Variants in ATP2A3 observed in about 807,000 individuals in gnomAD.
ATP2A3 encodes ATPase sarcoplasmic/endoplasmic reticulum Ca2+ transporting 3.
A neutral mutation model predicts 106.8 loss-of-function variants in ATP2A3; 61 were observed. That is an observed-to-expected ratio of 0.57 (90% CI 0.46 to 0.71). The LOEUF (loss-of-function observed/expected upper bound fraction) is 0.71, where lower values mean the gene tolerates loss of function less well. Among genes scored for constraint, ATP2A3 ranks in the 30% least tolerant of loss-of-function variants. The pLI, the probability that ATP2A3 is intolerant of heterozygous loss-of-function variation, is 0.00. For synonymous variants in ATP2A3, 611 were observed against 609.3 expected (o/e 1.00, Z -0.04); for missense variants, 1,201 against 1,423.5 (o/e 0.84, Z 2.52).
At chr17:3,945,207 C>T in intron 8 of ATP2A3, 59 bp from the exon 9 acceptor site, 1 of 1,491,378 alleles carries the variant, frequency 6.7e-7, no homozygotes, top group Non-Finnish European at 9.1e-7. Flanking sequence ...CCCCGGGCGG[C>T]CAGTCGACCC....
At chr17:3,958,547 C>T (rs903514513) in intron 1 of ATP2A3, among the ~76,000 whole-genome samples, 34 of 151,870 alleles carry the variant, frequency 2.2e-4, no homozygotes, top group Non-Finnish European at 3.7e-4. Flanking sequence ...GTCTGTATCC[C>T]GAATGCACAT....
chr17:3,925,597 C>T lies in ATP2A3; in HGVS notation c.2981-156G>A, dbSNP rs1159730376. Among the ~76,000 whole-genome samples, 1 of 151,648 alleles carries T rather than the reference C, an allele frequency of 6.6e-6. No individual in the cohort carries two copies. The highest frequency in any genetic ancestry group is 1.5e-5 in the Non-Finnish European group (1 of 67,870). ...AGACCTCAGTCTACCCCAGCCCCAC[C>T]GGACCCCCCAAGCTGCATCCAGGAT... On this transcript the variant is annotated intron_variant, in intron 20 of 20. Transcript: ENST00000397041. This position sits in a 1 kb window ranked among gnomAD's most constrained non-coding sequence, Gnocchi z 4.2.
rs769535313 is a variant in ATP2A3, at chr17:3,953,664, C to T, written c.136+29G>A. Reference sequence around the variant, plus strand: ...ACGACCCAGGGATGCTGCCCGCGGCCTAGAGGTCCATCCCGGTGCCAGCCT... The same window carrying T: ...ACGACCCAGGGATGCTGCCCGCGGCTTAGAGGTCCATCCCGGTGCCAGCCT... On this transcript the variant is annotated intron_variant, in intron 2 of 20. Coordinates refer to ENST00000397041, the MANE Select transcript of ATP2A3 (RefSeq NM_005173.4). This position sits in a 1 kb window ranked among gnomAD's most constrained non-coding sequence, Gnocchi z 5.1. 17 of 1,560,586 alleles carry T rather than the reference C, an allele frequency of 1.1e-5. No homozygotes were observed. Among genetic ancestry groups the T allele is most frequent in the Non-Finnish European group, 1.4e-5 (16 of 1,152,090 alleles).
rs1451447494 is a variant in ATP2A3, at chr17:3,953,003, G to A, written c.219+344C>T. 3.3e-5 allele frequency among the ~76,000 whole-genome samples: 5 copies of A among 152,086 alleles called. No homozygotes were observed. Among genetic ancestry groups the A allele is most frequent in the South Asian group, 2.1e-4 (1 of 4,830 alleles). On this transcript the variant is annotated intron_variant, in intron 3 of 20. Transcript: ENST00000397041. This position sits in a 1 kb window ranked among gnomAD's most constrained non-coding sequence, Gnocchi z 5.1. Reference sequence around the variant, plus strand: ...AGTGGAAAGCCCCCACCCCCACCCCGACAAAGAATGATCTGGTCTAAACTA... The same window carrying A: ...AGTGGAAAGCCCCCACCCCCACCCCAACAAAGAATGATCTGGTCTAAACTA...
chr17:3,937,111 T>TG (rs1383092470), intron 15 of ATP2A3: 1 of 465,742 alleles, frequency 2.1e-6, no homozygotes, highest in Non-Finnish European at 4.0e-6. Flanking sequence ...TGCCTAAAGG[T>TG]GGGGCTTTTC....
At chr17:3,946,163 G>A (rs933210857) in intron 8 of ATP2A3, among the ~76,000 whole-genome samples, 1 of 150,362 alleles carries the variant, frequency 6.7e-6, no homozygotes, top group Non-Finnish European at 1.5e-5. Flanking sequence ...CAAGAGAATC[G>A]CCTGAACCCA....
intron 14 of ATP2A3, among the ~76,000 whole-genome samples, 175 bp downstream of exon 14, chr17:3,940,796 C>A (rs543723801): frequency 6.6e-6 from 1 of 152,346 alleles, no homozygotes; most frequent in African/African-American, 2.4e-5. Flanking sequence ...GTGTGAGCCA[C>A]CGCGCCTGGC....
At position 3,936,666 on chromosome 17, in the gene ATP2A3, A is replaced by G. The variant is rs1374656191; in HGVS notation, c.2322-197T>C. 1.3e-5 allele frequency: 8 copies of G among 636,396 alleles called. No individual in the cohort carries two copies. Among genetic ancestry groups the G allele is most frequent in the Non-Finnish European group, 2.0e-5 (7 of 353,318 alleles). 39.4% of individuals were successfully genotyped at this position (636,396 alleles called of 1,614,324 possible). ...GGGCCTGGCCAGTCCTGCCTTCCCC[A>G]GTCCCAGCTCTGGATCCTGGACATA... On this transcript the variant is annotated intron_variant, in intron 15 of 20. Transcript: ENST00000397041. This position sits in a 1 kb window ranked among gnomAD's most constrained non-coding sequence, Gnocchi z 5.4.
In ATP2A3 at chr17:3,955,889, T is replaced by TTTA. The variant is rs1341638273; in HGVS notation, c.119-2180_119-2179insTAA. Reference sequence around the variant, plus strand: ...TTTCTCTTATTTTATTTTATTTTATTTTTTTTTTTTGAGATGGAGTCTTGC... The same window carrying TTTA: ...TTTCTCTTATTTTATTTTATTTTATTTTATTTTTTTTTTGAGATGGAGTCTTGC... On this transcript the variant is annotated intron_variant, in intron 1 of 20. Transcript: ENST00000397041. This position sits in a 1 kb window ranked among gnomAD's most constrained non-coding sequence, Gnocchi z 4.2. Among the ~76,000 whole-genome samples, 114 of 140,456 alleles carry TTTA rather than the reference T, an allele frequency of 8.1e-4. No individual in the cohort carries two copies. Among genetic ancestry groups the TTTA allele is most frequent in the African/African-American group, 2.8e-3 (107 of 38,764 alleles). The allele number at this position is 140,456 out of a possible 152,430, so 92.1% of individuals were successfully genotyped here. A position where few individuals can be genotyped will look rare whatever the true frequency, so the allele number is the denominator to read the frequency against.
chr17:3,961,505 G>C (rs1207096338), intron 1 of ATP2A3, among the ~76,000 whole-genome samples: 2 of 151,770 alleles, frequency 1.3e-5, no homozygotes, highest in East Asian at 3.9e-4. Context: ...TCTGTGTGCA[G>C]TGAGGGAGGA....
Position 3,928,643 on chromosome 17 carries a change from G to T in ATP2A3, c.2980+20C>A. On this transcript the variant is annotated intron_variant, in intron 20 of 20. Transcript: ENST00000397041. The surrounding 1 kb of genome is among the most constrained non-coding windows in gnomAD (Gnocchi z 6.1). The stretch of plus-strand genomic sequence containing the variant: ...CGGGCGGGGAGGCAGGCTGGAGGCG[G>T]GACGGGGCCTCCCACTCACCGTGCA... 6.5e-7 allele frequency: 1 copy of T among 1,541,540 alleles called. No individual in the cohort carries two copies. Among genetic ancestry groups the T allele is most frequent in the South Asian group, 1.2e-5 (1 of 83,818 alleles).
chr17:3,939,786 TAAAAAAAA>T (rs71381543), intron 14 of ATP2A3, among the ~76,000 whole-genome samples: 1 of 50,492 alleles, frequency 2.0e-5, no homozygotes, highest in South Asian at 8.0e-4. Flanking sequence ...AGACTCTGTC[TAAAAAAAA>T]AAAAAAAAAA....
chr17:3,942,833 G>A (rs987481551), intron 11 of ATP2A3, 102 bp from the exon 12 acceptor site: 4 of 1,543,090 alleles, frequency 2.6e-6, no homozygotes, highest in Non-Finnish European at 8.8e-7. Flanking sequence ...TGCTCTGTGT[G>A]GGATGACATC....
chr17:3,947,350 G>A lies in ATP2A3; in HGVS notation c.1095+41C>T. On this transcript the variant is annotated intron_variant, in intron 8 of 20. Coordinates refer to ENST00000397041, the MANE Select transcript of ATP2A3 (RefSeq NM_005173.4). This position sits in a 1 kb window ranked among gnomAD's most constrained non-coding sequence, Gnocchi z 7.7. The stretch of plus-strand genomic sequence containing the variant: ...GAGACCCAGAGAGGGAGCCCAGCCT[G>A]CTCTGCAACGCACAGCAACACCAAG... 4 of 1,610,524 alleles carry A rather than the reference G, an allele frequency of 2.5e-6. No homozygotes were observed. Among genetic ancestry groups the A allele is most frequent in the Non-Finnish European group, 2.5e-6 (3 of 1,177,754 alleles).
intron 1 of ATP2A3, among the ~76,000 whole-genome samples, chr17:3,954,337 G>C (rs958002737): frequency 6.6e-6 from 1 of 151,916 alleles, no homozygotes; most frequent in Non-Finnish European, 1.5e-5. Context: ...ACCCCGCAGT[G>C]AGGATCCCTC....
chr17:3,950,457 T>C (rs1006665440), intron 7 of ATP2A3, 54 bp downstream of exon 7: 1 of 1,579,762 alleles, frequency 6.3e-7, no homozygotes, highest in Non-Finnish European at 8.7e-7. Flanking sequence ...ATCATAATCC[T>C]AATGTTGTTA....
At chr17:3,939,602 T>C (rs6502760) in intron 14 of ATP2A3, among the ~76,000 whole-genome samples, 82,431 of 151,100 alleles carry the variant, frequency 0.55, 23,215 homozygotes, top group African/African-American at 0.69. Context: ...TCCTGGCCAA[T>C]GTGGTGAAAC....
chr17:3,951,559 T>TCCCCCCCCCCCTG, intron 4 of ATP2A3, 22 bp downstream of exon 4: 1 of 596,270 alleles, frequency 1.7e-6, no homozygotes, highest in Non-Finnish European at 2.5e-6. Context: ...CCCCGCCCGG[T>TCCCCCCCCCCCTG]CCCACCCCCA....
intron 1 of ATP2A3, among the ~76,000 whole-genome samples, chr17:3,963,766 C>G (rs2055273779): frequency 1.3e-5 from 2 of 152,210 alleles, no homozygotes; most frequent in Non-Finnish European, 2.9e-5. Flanking sequence ...GCTGGGAGGC[C>G]GAGCCTGAGT....
Sources: allele counts gnomAD v4.1 joint callset (sites outside exome capture counted in the v4.1 genomes callset), GRCh38; gene constraint gnomAD v4.1.1; non-coding constraint Gnocchi (gnomAD v3.1); transcripts MANE v1.5; gene names NCBI Gene and HGNC (gene_info 2026-07-23, HGNC 2026-07-21).